Variants in SH3GL2 observed in about 807,000 individuals in gnomAD.
SH3GL2 encodes the protein SH3 domain containing GRB2 like 2, endophilin A1, also known as endophilin-A1.
SH3GL2 carries 24 observed loss-of-function variants against 46.0 expected under a neutral mutation model. The observed-to-expected ratio is 0.52, with a 90% CI of 0.38 to 0.73. The LOEUF (loss-of-function observed/expected upper bound fraction) is 0.73. Among genes scored for constraint, SH3GL2 ranks in the 30% least tolerant of loss-of-function variants. The pLI is 0.00. For missense variants in SH3GL2, 413 were observed against 424.2 expected, an observed-to-expected ratio of 0.97 and a Z score of 0.23; for synonymous variants, 196 against 147.1, an observed-to-expected ratio of 1.33 and a Z score of -2.40.
chr9:17,748,660 TCCA>T (rs1563838093), intron 2 of SH3GL2, among the ~76,000 whole-genome samples: 1 of 152,158 alleles, frequency 6.6e-6, no homozygotes, highest in Non-Finnish European at 1.5e-5. Flanking sequence ...CTTTGTGTCT[TCCA>T]TGAACCAGGA....
chr9:17,652,149 G>A (rs1325508507), intron 1 of SH3GL2, among the ~76,000 whole-genome samples: 2 of 151,944 alleles, frequency 1.3e-5, no homozygotes, highest in Admixed American at 6.6e-5. Flanking sequence ...TTAGTTATCA[G>A]CTAATTGTAA....
intron 3 of SH3GL2, among the ~76,000 whole-genome samples, chr9:17,768,401 C>G (rs552641718): frequency 9.4e-5 from 14 of 148,748 alleles, no homozygotes; most frequent in Non-Finnish European, 1.9e-4. Context: ...ACACCAGATT[C>G]TTAATCATAA....
At chr9:17,637,632 C>G (rs181291910) in intron 1 of SH3GL2, among the ~76,000 whole-genome samples, 12 of 152,350 alleles carry the variant, frequency 7.9e-5, no homozygotes, top group African/African-American at 2.9e-4. Flanking sequence ...CTTTTGTTTA[C>G]TAGCCATGTG....
chr9:17,652,856 C>A (rs760298019), intron 1 of SH3GL2, among the ~76,000 whole-genome samples: 77 of 152,070 alleles, frequency 5.1e-4, no homozygotes, highest in Non-Finnish European at 1.0e-3. Context: ...TTACTTACTT[C>A]CTTCTATATT....
At chr9:17,633,457 A>G (rs530254076) in intron 1 of SH3GL2, among the ~76,000 whole-genome samples, 1 of 152,360 alleles carries the variant, frequency 6.6e-6, no homozygotes, top group South Asian at 2.1e-4. Flanking sequence ...TGATCTAGGT[A>G]CTGCACAAGT....
intron 1 of SH3GL2, among the ~76,000 whole-genome samples, chr9:17,626,408 G>A (rs77104711): frequency 0.016 from 2,491 of 152,294 alleles, 77 homozygotes; most frequent in African/African-American, 0.057. Context: ...TGGGCCAGAG[G>A]TGTGGCTTCA....
At chr9:17,646,550 T>C (rs941496493) in intron 1 of SH3GL2, among the ~76,000 whole-genome samples, 1 of 152,166 alleles carries the variant, frequency 6.6e-6, no homozygotes, top group Non-Finnish European at 1.5e-5. Flanking sequence ...GACCTTTGGA[T>C]GGAATTTTTG....
chr9:17,700,855 T>G (rs894027276), intron 1 of SH3GL2, among the ~76,000 whole-genome samples: 2 of 152,202 alleles, frequency 1.3e-5, no homozygotes, highest in African/African-American at 4.8e-5. Flanking sequence ...TTGTGTTATT[T>G]TAATGGCAAA....
intron 1 of SH3GL2, among the ~76,000 whole-genome samples, chr9:17,616,422 C>G (rs567914362): frequency 2.0e-5 from 3 of 152,164 alleles, no homozygotes; most frequent in African/African-American, 7.2e-5. Flanking sequence ...TTAAAATCAA[C>G]AAGGAGAAAT....
chr9:17,619,683 A>AAAT (rs1554630680), intron 1 of SH3GL2, among the ~76,000 whole-genome samples: 2 of 152,158 alleles, frequency 1.3e-5, no homozygotes, highest in Non-Finnish European at 2.9e-5. Context: ...ATCTCAAAAA[A>AAAT]AAAATAAAAT....
intron 2 of SH3GL2, among the ~76,000 whole-genome samples, chr9:17,760,990 A>T (rs1034485423): frequency 2.0e-5 from 3 of 152,226 alleles, no homozygotes; most frequent in Admixed American, 6.5e-5. Context: ...TCAAGATTTT[A>T]TATTTTTAGG....
chr9:17,652,922 C>T (rs1308339993), intron 1 of SH3GL2, among the ~76,000 whole-genome samples: 3 of 152,102 alleles, frequency 2.0e-5, no homozygotes, highest in Non-Finnish European at 4.4e-5. Context: ...TTTTGTTCTA[C>T]AGCATTTCCT....
intron 1 of SH3GL2, among the ~76,000 whole-genome samples, chr9:17,582,182 A>G (rs1184914420): frequency 3.9e-5 from 6 of 152,208 alleles, no homozygotes; most frequent in Non-Finnish European, 8.8e-5. Context: ...GTTATTTTCA[A>G]TATGTTTACA....
intron 1 of SH3GL2, among the ~76,000 whole-genome samples, chr9:17,743,569 A>AACACACAC (rs58408701): frequency 0.015 from 2,169 of 143,650 alleles, 38 homozygotes; most frequent in African/African-American, 0.037. Flanking sequence ...CTCTTTTGTG[A>AACACACAC]ACACACACAC....
At chr9:17,753,066 C>G (rs564186789) in intron 2 of SH3GL2, among the ~76,000 whole-genome samples, 9 of 152,278 alleles carry the variant, frequency 5.9e-5, no homozygotes, top group Admixed American at 5.2e-4. Flanking sequence ...GCATAGTATT[C>G]CATGGTGTAT....
intron 1 of SH3GL2, among the ~76,000 whole-genome samples, chr9:17,669,752 C>G (rs902947591): frequency 3.9e-5 from 6 of 152,080 alleles, no homozygotes; most frequent in Non-Finnish European, 8.8e-5. Flanking sequence ...TTCCACATTC[C>G]TCTGAGATAA....
intron 1 of SH3GL2, among the ~76,000 whole-genome samples, chr9:17,737,214 C>T (rs1822363749): frequency 6.6e-6 from 1 of 151,522 alleles, no homozygotes; most frequent in African/African-American, 2.4e-5. Flanking sequence ...GGGTGGGGGG[C>T]TAGGGGAGGG....
chr9:17,737,475 A>G (rs1239301684), intron 1 of SH3GL2, among the ~76,000 whole-genome samples: 1 of 152,112 alleles, frequency 6.6e-6, no homozygotes, highest in African/African-American at 2.4e-5. Context: ...TTTTGTCTCT[A>G]AGCCCATTGT....
intron 7 of SH3GL2, among the ~76,000 whole-genome samples, chr9:17,791,751 C>G (rs988457486): frequency 1.3e-5 from 2 of 152,188 alleles, no homozygotes; most frequent in Non-Finnish European, 2.9e-5. Context: ...GTAACTAGCC[C>G]AGGGTCACTC....
Sources: gnomAD v4.1 joint callset for allele counts (sites outside exome capture counted in the v4.1 genomes callset) on GRCh38, gnomAD v4.1.1 for gene constraint, MANE v1.5 for transcripts, NCBI Gene and HGNC (gene_info 2026-07-23, HGNC 2026-07-21) for gene names.